Variants in TNKS observed in about 807,000 individuals in gnomAD.
TNKS encodes the protein poly [ADP-ribose] polymerase tankyrase-1.
In TNKS, 72 loss-of-function variants were observed where a neutral mutation model predicts 135.8. That is an observed-to-expected ratio of 0.53 (90% CI 0.44 to 0.64). TNKS has a LOEUF of 0.64. Among genes scored for constraint, TNKS ranks in the 30% least tolerant of loss-of-function variants. The pLI, the probability that TNKS is intolerant of heterozygous loss-of-function variation, is 0.00. For missense variants in TNKS, 1,769 were observed against 1,674.0 expected, an observed-to-expected ratio of 1.06 and a Z score of -0.99; for synonymous variants, 849 against 649.3, an observed-to-expected ratio of 1.31 and a Z score of -4.68.
chr8:9,731,112 A>G (rs1585388153), intron 14 of TNKS, 77 bp downstream of exon 14: 1 of 1,390,728 alleles, frequency 7.2e-7, no homozygotes. Flanking sequence ...GAAGTCTTAG[A>G]TTTTTTCTGT....
chr8:9,666,768 G>GT (rs1303623554), intron 3 of TNKS, among the ~76,000 whole-genome samples: 1 of 151,740 alleles, frequency 6.6e-6, no homozygotes, highest in Non-Finnish European at 1.5e-5. Context: ...ACCGTTTTGA[G>GT]TAAGTACAAA....
intron 20 of TNKS, among the ~76,000 whole-genome samples, chr8:9,759,068 A>G (rs749184140): frequency 4.6e-5 from 7 of 152,156 alleles, no homozygotes; most frequent in Non-Finnish European, 8.8e-5. Flanking sequence ...TTCTTGCTCT[A>G]TCAAAGCCAG....
In TNKS at chr8:9,710,194, G is replaced by C. The variant is rs1001691949; in HGVS notation, c.1723G>C (p.Glu575Gln). 6.2e-7 allele frequency: 1 copy of C among 1,614,096 alleles called. No homozygotes were observed. Among genetic ancestry groups the C allele is most frequent in the East Asian group, 2.2e-5 (1 of 44,894 alleles). ...CGAAAGAGCCCATAATGATGTCATG[G>C]AAGTTCTGCATAAGCATGGCGCCAA... is the stretch of plus-strand genomic sequence containing the variant. Reference protein sequence around the residue: ...AAERAHNDVMEVLHKHGAKMN... With the variant: ...AAERAHNDVMQVLHKHGAKMN... Residue 575 changes from glutamate to glutamine, a missense_variant, in exon 11 of 27, where the codon GAA (glutamate) becomes CAA (glutamine). Coordinates refer to ENST00000310430, the MANE Select transcript of TNKS (RefSeq NM_003747.3).
intron 5 of TNKS, among the ~76,000 whole-genome samples, chr8:9,687,694 A>C (rs994574953): frequency 6.6e-6 from 1 of 151,988 alleles, no homozygotes; most frequent in Non-Finnish European, 1.5e-5. Flanking sequence ...CTATTTAGCC[A>C]CTCTCCTAGC....
At chr8:9,673,898 C>G (rs1802419758) in intron 3 of TNKS, among the ~76,000 whole-genome samples, 1 of 151,992 alleles carries the variant, frequency 6.6e-6, no homozygotes, top group African/African-American at 2.4e-5. Context: ...TGTAACAAGT[C>G]TATAAAGATT....
intron 22 of TNKS, 57 bp from the exon 23 acceptor site, chr8:9,764,659 A>G: frequency 2.9e-6 from 4 of 1,356,082 alleles, no homozygotes; most frequent in East Asian, 2.5e-5. Flanking sequence ...TAGACTCATC[A>G]TTGTCTAGAA....
chr8:9,611,440 C>T (rs1409223265), intron 2 of TNKS, among the ~76,000 whole-genome samples: 2 of 152,196 alleles, frequency 1.3e-5, no homozygotes, highest in East Asian at 3.8e-4. Flanking sequence ...GACACTGTAT[C>T]ATCAAGCAAT....
intron 20 of TNKS, among the ~76,000 whole-genome samples, chr8:9,753,095 C>T (rs980059187): frequency 6.6e-6 from 1 of 152,080 alleles, no homozygotes; most frequent in Non-Finnish European, 1.5e-5. Context: ...TTATACTTCT[C>T]CCCAAAATTG....
intron 3 of TNKS, among the ~76,000 whole-genome samples, chr8:9,667,879 C>T (rs1402858249): frequency 5.6e-5 from 7 of 126,082 alleles, no homozygotes; most frequent in Admixed American, 8.6e-5. Flanking sequence ...TTTACTAGTT[C>T]TCTTTGAATC....
intron 21 of TNKS, among the ~76,000 whole-genome samples, chr8:9,762,635 G>A (rs962453008): frequency 6.6e-6 from 1 of 152,180 alleles, no homozygotes; most frequent in Non-Finnish European, 1.5e-5. Context: ...GGGCGCAGTG[G>A]CTCACGCCTG....
intron 6 of TNKS, among the ~76,000 whole-genome samples, chr8:9,705,944 T>A (rs928146554): frequency 1.3e-5 from 2 of 152,178 alleles, no homozygotes; most frequent in African/African-American, 4.8e-5. Context: ...GATCTTCCTT[T>A]CGCCAAAATG....
At chr8:9,621,134 T>C (rs1799851359) in intron 3 of TNKS, among the ~76,000 whole-genome samples, 1 of 152,208 alleles carries the variant, frequency 6.6e-6, no homozygotes, top group Admixed American at 6.5e-5. Context: ...TCTTAAAACA[T>C]AAGTGCATTT....
intron 2 of TNKS, among the ~76,000 whole-genome samples, chr8:9,606,532 C>G (rs1016011435): frequency 1.3e-5 from 2 of 151,938 alleles, no homozygotes; most frequent in Non-Finnish European, 2.9e-5. Context: ...CCACAGTTTC[C>G]CACTTGATTA....
chr8:9,579,284 G>A (rs1798074941), intron 1 of TNKS, among the ~76,000 whole-genome samples: 1 of 151,946 alleles, frequency 6.6e-6, no homozygotes, highest in African/African-American at 2.4e-5. Context: ...CATATAGTTT[G>A]GCCACTAGCC....
intron 2 of TNKS, among the ~76,000 whole-genome samples, chr8:9,582,561 G>A (rs1798206501): frequency 6.6e-6 from 1 of 152,202 alleles, no homozygotes; most frequent in Non-Finnish European, 1.5e-5. Context: ...TTGCTGTAGA[G>A]CACATGCTCC....
intron 12 of TNKS, among the ~76,000 whole-genome samples, chr8:9,725,505 T>G (rs1294618251): frequency 6.6e-6 from 1 of 152,202 alleles, no homozygotes; most frequent in Admixed American, 6.5e-5. Context: ...TCTCCTGAAA[T>G]CTACAACCTC....
chr8:9,761,743 A>C lies in TNKS; in HGVS notation c.3274+107A>C, dbSNP rs923873131. 1.3e-5 allele frequency: 15 copies of C among 1,175,386 alleles called. No individual in the cohort carries two copies. In the African/African-American group the frequency reaches 2.4e-4, roughly 19 times the overall value. The allele number at this position is 1,175,386 out of a possible 1,614,324, so 72.8% of individuals were successfully genotyped here. A position where few individuals can be genotyped will look rare whatever the true frequency, so the allele number is the denominator to read the frequency against. ...GTCCAGTCCCAGAACCATACACTGA[A>C]CTATTGTACCTCCTGTCCCTTCCCC... On this transcript the variant is annotated intron_variant, in intron 21 of 26. Coordinates refer to ENST00000310430, the MANE Select transcript of TNKS (RefSeq NM_003747.3).
At chr8:9,584,940 C>T (rs191295283) in intron 2 of TNKS, among the ~76,000 whole-genome samples, 16 of 152,260 alleles carry the variant, frequency 1.1e-4, no homozygotes, top group Admixed American at 6.5e-4. Context: ...AATACCCCAA[C>T]ATCTAGACAT....
rs538870926 is a variant in TNKS, at chr8:9,631,372, A to G, written c.994+15695A>G. Among the ~76,000 whole-genome samples the G allele has an allele frequency of 3.3e-5, 5 of 152,322 alleles. No individual in the cohort carries two copies. The South Asian group carries it at 6.2e-4, about 19-fold the overall frequency. ...TAGAATAATCCTGCTCCATTGAGTT[A>G]TGATTTTTGTGAGTATACTTTCACA... On this transcript the variant is annotated intron_variant, in intron 3 of 26. Transcript: ENST00000310430.
Sources: allele counts gnomAD v4.1 joint callset (sites outside exome capture counted in the v4.1 genomes callset), GRCh38; gene constraint gnomAD v4.1.1; transcripts MANE v1.5; gene names NCBI Gene and HGNC (gene_info 2026-07-23, HGNC 2026-07-21).